PHACTR3: variants seen among roughly 807,000 people sequenced by gnomAD.
PHACTR3 encodes protein phosphatase 1, regulatory subunit 123.
Under a neutral mutation model 66.8 loss-of-function variants are expected in PHACTR3, and 16 were observed. The ratio of observed to expected loss-of-function variants is 0.24; its 90% CI spans 0.16 to 0.36. The LOEUF (loss-of-function observed/expected upper bound fraction) is 0.36. Ranked by LOEUF, PHACTR3 falls within the 10% of genes least tolerant of loss-of-function variation. The pLI is 1.00. For synonymous variants in PHACTR3, 323 were observed against 292.1 expected (o/e 1.11, Z -1.08); for missense variants, 647 against 719.9 (o/e 0.90, Z 1.16).
chr20:59,702,401 C>T (rs2037538289), intron 1 of PHACTR3, among the ~76,000 whole-genome samples: 1 of 152,154 alleles, frequency 6.6e-6, no homozygotes, highest in South Asian at 2.1e-4. Flanking sequence ...ATTCAGAAGA[C>T]TCTCACCCCA....
chr20:59,589,316 T>C (rs1043177188), intron 1 of PHACTR3, among the ~76,000 whole-genome samples: 1 of 152,200 alleles, frequency 6.6e-6, no homozygotes, highest in Non-Finnish European at 1.5e-5. Flanking sequence ...GAAATCCCGA[T>C]GGACCCACCA....
At chr20:59,633,346 T>A (rs2034735888) in intron 1 of PHACTR3, among the ~76,000 whole-genome samples, 1 of 152,194 alleles carries the variant, frequency 6.6e-6, no homozygotes, top group Non-Finnish European at 1.5e-5. Flanking sequence ...ATCATGTCCT[T>A]TGTGGGGACA....
chr20:59,664,713 T>C (rs543777371), intron 1 of PHACTR3, among the ~76,000 whole-genome samples: 1 of 152,362 alleles, frequency 6.6e-6, no homozygotes, highest in South Asian at 2.1e-4. Flanking sequence ...TCCTTTTGTG[T>C]ATCTCAGTGT....
At chr20:59,663,840 A>G (rs2035898866) in intron 1 of PHACTR3, among the ~76,000 whole-genome samples, 1 of 152,208 alleles carries the variant, frequency 6.6e-6, no homozygotes, top group Non-Finnish European at 1.5e-5. Context: ...GACTTATAGC[A>G]TGGTTGCACG....
intron 11 of PHACTR3, chr20:59,844,484 ACAC>A (rs2059117314): frequency 1.3e-5 from 2 of 152,178 alleles, no homozygotes; most frequent in Non-Finnish European, 2.9e-5. Flanking sequence ...CAGTGTGTAT[ACAC>A]AGCCACACAA....
At chr20:59,577,639 G>T in intron 1 of PHACTR3, 1 of 1,201,640 alleles carries the variant, frequency 8.3e-7, no homozygotes, top group South Asian at 4.2e-5. Context: ...CTGCGGGGAG[G>T]GGACGCGGGA....
intron 1 of PHACTR3, among the ~76,000 whole-genome samples, chr20:59,595,441 AAAT>A (rs2033299911): frequency 6.6e-6 from 1 of 151,734 alleles, no homozygotes; most frequent in African/African-American, 2.4e-5. Flanking sequence ...CAGCCTCTCA[AAAT>A]AAAAACAAAA....
At chr20:59,780,848 G>T (rs565991222) in intron 7 of PHACTR3, among the ~76,000 whole-genome samples, 1 of 152,308 alleles carries the variant, frequency 6.6e-6, no homozygotes, top group East Asian at 1.9e-4. Context: ...GTAAATGGGG[G>T]TGACAAGAAA....
At chr20:59,842,832 A>C (rs530772591) in intron 11 of PHACTR3, among the ~76,000 whole-genome samples, 12 of 152,276 alleles carry the variant, frequency 7.9e-5, no homozygotes, top group African/African-American at 2.2e-4. Flanking sequence ...TTCCCACTAC[A>C]GTTCAGCAAA....
intron 8 of PHACTR3, among the ~76,000 whole-genome samples, chr20:59,823,163 A>C (rs970918454): frequency 6.6e-6 from 1 of 152,162 alleles, no homozygotes; most frequent in African/African-American, 2.4e-5. Flanking sequence ...TGAAGAAGGG[A>C]CTTATATACA....
chr20:59,747,713 G>A lies in PHACTR3; in HGVS notation c.281-45G>A, dbSNP rs1195772953. 1.9e-6 allele frequency: 3 copies of A among 1,601,004 alleles called. No homozygotes were observed. The East Asian group carries it at 6.7e-5, about 36-fold the overall frequency. The stretch of plus-strand genomic sequence containing the variant: ...GGCTGTGGCTTGGACAGGGCCCAGT[G>A]ACACCTTTGCCTGAGACTCACCTGT... On this transcript the variant is annotated intron_variant, in intron 2 of 12. Transcript: ENST00000371015.
chr20:59,841,350 C>G (rs1028511214), intron 10 of PHACTR3, 45 bp from the exon 11 acceptor site: 2 of 1,566,956 alleles, frequency 1.3e-6, no homozygotes, highest in African/African-American at 1.4e-5. Context: ...TTCAAAAAAG[C>G]TAGTTTGGCA....
chr20:59,713,877 G>A (rs2146654518), intron 1 of PHACTR3, among the ~76,000 whole-genome samples: 1 of 152,136 alleles, frequency 6.6e-6, no homozygotes, highest in Middle Eastern at 3.4e-3. Flanking sequence ...CAGCATGGAA[G>A]TTCTAGTTGC....
intron 1 of PHACTR3, among the ~76,000 whole-genome samples, chr20:59,597,751 T>A (rs1049575928): frequency 1.3e-5 from 2 of 152,218 alleles, no homozygotes; most frequent in Admixed American, 1.3e-4. Context: ...GTGCAAGGTC[T>A]TTCTCTGCTG....
chr20:59,751,020 G>A (rs76237121), intron 3 of PHACTR3, among the ~76,000 whole-genome samples: 5,313 of 152,304 alleles, frequency 0.035, 111 homozygotes, highest in African/African-American at 0.051. Context: ...GGGTCCTCTT[G>A]CAGGATGACT....
intron 7 of PHACTR3, among the ~76,000 whole-genome samples, chr20:59,790,581 G>A (rs72629008): frequency 0.071 from 10,839 of 152,278 alleles, 882 homozygotes; most frequent in East Asian, 0.37. Flanking sequence ...ATTATGTGAT[G>A]TTCACACTGT....
At chr20:59,590,118 C>T (rs542886014) in intron 1 of PHACTR3, among the ~76,000 whole-genome samples, 24 of 152,214 alleles carry the variant, frequency 1.6e-4, no homozygotes, top group African/African-American at 4.3e-4. Context: ...CATGTGTGTG[C>T]GTGCTTGTGA....
rs113784132 is a variant in PHACTR3, at chr20:59,830,190, G to A, written c.1329-6315G>A. Among the ~76,000 whole-genome samples the A allele has an allele frequency of 6.0e-3, 822 of 137,280 alleles. 1 individual carries two copies. Among genetic ancestry groups the A allele is most frequent in the African/African-American group, 0.019 (602 of 31,870 alleles). 90.1% of individuals were successfully genotyped at this position (137,280 alleles called of 152,430 possible). A position where few individuals can be genotyped will look rare whatever the true frequency, so the allele number is the denominator to read the frequency against. On this transcript the variant is annotated intron_variant, in intron 8 of 12. Coordinates refer to ENST00000371015, the MANE Select transcript of PHACTR3 (RefSeq NM_080672.5). The surrounding 1 kb of genome is among the most constrained non-coding windows in gnomAD (Gnocchi z 5.8). ...GTGGAAGAGGGTGTGCGTGTCTGAT[G>A]GAAGAGGGTATGAGTGTCTGATAGA...
intron 7 of PHACTR3, among the ~76,000 whole-genome samples, chr20:59,780,093 G>T (rs1361538651): frequency 6.6e-6 from 1 of 152,190 alleles, no homozygotes; most frequent in Admixed American, 6.5e-5. Flanking sequence ...GGACTGAGGG[G>T]CTGCTATGGG....
Sources: gnomAD v4.1 joint callset for allele counts (sites outside exome capture counted in the v4.1 genomes callset) on GRCh38, gnomAD v4.1.1 for gene constraint, Gnocchi (gnomAD v3.1) non-coding constraint, MANE v1.5 for transcripts, NCBI Gene and HGNC (gene_info 2026-07-23, HGNC 2026-07-21) for gene names.